U2SURP: variants seen among roughly 807,000 people sequenced by gnomAD.
U2SURP encodes the protein U2 snRNP-associated SURP motif-containing protein.
A neutral mutation model predicts 144.9 loss-of-function variants in U2SURP; 9 were observed. The observed-to-expected ratio is 0.06, with a 90% CI of 0.04 to 0.11. The LOEUF is 0.11. Ranked by LOEUF, U2SURP falls within the 10% of genes least tolerant of loss-of-function variation. U2SURP has a pLI of 1.00. For missense variants in U2SURP, 724 were observed against 1,226.7 expected, an observed-to-expected ratio of 0.59 and a Z score of 6.12; for synonymous variants, 408 against 396.8, an observed-to-expected ratio of 1.03 and a Z score of -0.33.
At chr3:143,035,138 A>G (rs1933743345) in intron 19 of U2SURP, among the ~76,000 whole-genome samples, 163 bp downstream of exon 19, 1 of 152,204 alleles carries the variant, frequency 6.6e-6, no homozygotes, top group Non-Finnish European at 1.5e-5. Flanking sequence ...GTTTTTATCA[A>G]ATCAAAAATT....
chr3:143,042,041 G>A (rs1934144071), intron 23 of U2SURP, among the ~76,000 whole-genome samples: 1 of 151,766 alleles, frequency 6.6e-6, no homozygotes, highest in Non-Finnish European at 1.5e-5. Context: ...TGTTCTTTGT[G>A]CTTCAAGAAC....
chr3:143,019,693 A>C (rs1936541098), intron 6 of U2SURP, among the ~76,000 whole-genome samples: 3 of 152,202 alleles, frequency 2.0e-5, no homozygotes, highest in Admixed American at 1.3e-4. Context: ...TATTTTTGGC[A>C]GTTACTTTCC....
chr3:143,044,129 T>C (rs1415213199), intron 24 of U2SURP, among the ~76,000 whole-genome samples: 8 of 152,130 alleles, frequency 5.3e-5, no homozygotes, highest in South Asian at 2.1e-4. Flanking sequence ...TATTCTGTTA[T>C]GTTTACATTT....
rs758135851 is a variant in U2SURP at position 143,035,963 on chromosome 3, C to G, written c.1942-19C>G. On this transcript the variant is annotated intron_variant, in intron 19 of 27. Transcript: ENST00000473835. ...ATAGCCCAAAATAAAAGTTTGTTGTCTGTTTCCTGTTTCTTTAGCAACGGG... is the reference window on the plus strand; with the variant it reads ...ATAGCCCAAAATAAAAGTTTGTTGTGTGTTTCCTGTTTCTTTAGCAACGGG... 8.2e-6 allele frequency: 13 copies of G among 1,579,160 alleles called. No individual in the cohort carries two copies. The highest frequency in any genetic ancestry group is 3.4e-6 in the Non-Finnish European group (4 of 1,168,712).
rs948695316 is a variant in U2SURP, at chr3:143,057,808, C to T, written c.*1358C>T. On this transcript the variant is annotated 3_prime_UTR_variant, in exon 28 of 28. Transcript: ENST00000473835. ...TTGCTTTTTAAAAAAATCTTTTCAA[C>T]TTGTTTTACTTAATCTTGCCTAGTC... 1 of 151,932 alleles carries T rather than the reference C, an allele frequency of 6.6e-6. No homozygotes were observed. Among genetic ancestry groups the T allele is most frequent in the South Asian group, 2.1e-4 (1 of 4,826 alleles). 9.4% of individuals were successfully genotyped at this position (151,932 alleles called of 1,614,324 possible).
At chr3:143,038,828 C>T in intron 22 of U2SURP, 66 bp from the exon 23 acceptor site, 1 of 1,173,952 alleles carries the variant, frequency 8.5e-7, no homozygotes, top group Non-Finnish European at 1.2e-6. Flanking sequence ...CTTGAGCTTC[C>T]ACTGTACTAC....
At chr3:143,013,914 G>A (rs532202051) in intron 3 of U2SURP, among the ~76,000 whole-genome samples, 1 of 152,034 alleles carries the variant, frequency 6.6e-6, no homozygotes, top group South Asian at 2.1e-4. Context: ...CCTGCCCCAG[G>A]ACCATGGAAA....
chr3:143,004,767 T>G lies in U2SURP; in HGVS notation c.45+3094T>G, dbSNP rs186515070. Among the ~76,000 whole-genome samples the G allele has an allele frequency of 1.9e-3, 290 of 152,270 alleles. 3 individuals carry two copies. The highest frequency in any genetic ancestry group is 0.017 in the Admixed American group (258 of 15,282). On this transcript the variant is annotated intron_variant, in intron 1 of 27. Coordinates refer to ENST00000473835, the MANE Select transcript of U2SURP (RefSeq NM_001080415.2). ...GTGTAATTTTGTTGTGCTTTGCATT[T>G]TAGAGCCTGGCAGATGTAGACATTT...
chr3:143,043,849 A>G (rs1046650174), intron 24 of U2SURP, among the ~76,000 whole-genome samples: 2 of 151,572 alleles, frequency 1.3e-5, no homozygotes, highest in Non-Finnish European at 2.9e-5. Flanking sequence ...GCTCACTGCA[A>G]GCTCTCCCTC....
chr3:143,046,137 C>A (rs1372424850), intron 24 of U2SURP, among the ~76,000 whole-genome samples: 1 of 151,824 alleles, frequency 6.6e-6, no homozygotes, highest in Non-Finnish European at 1.5e-5. Context: ...ATAAAGATAC[C>A]TATAGCTGAA....
chr3:143,047,578 AC>A (rs1323218857), intron 24 of U2SURP, among the ~76,000 whole-genome samples: 2 of 32,490 alleles, frequency 6.2e-5, no homozygotes, highest in African/African-American at 1.3e-4. Context: ...CGGGGGGCTG[AC>A]CCCCCCCACC....
intron 10 of U2SURP, 31 bp downstream of exon 10, chr3:143,021,586 T>TA: frequency 6.4e-7 from 1 of 1,562,390 alleles, no homozygotes; most frequent in Non-Finnish European, 8.7e-7. Context: ...TGTTGATTGA[T>TA]ATGCTTTATG....
chr3:143,041,339 A>G (rs977474669), intron 23 of U2SURP, among the ~76,000 whole-genome samples: 2 of 151,952 alleles, frequency 1.3e-5, no homozygotes, highest in African/African-American at 2.4e-5. Context: ...TAGGAAATTT[A>G]TGACAAATTA....
At chr3:143,023,202 C>A in intron 12 of U2SURP, 138 bp downstream of exon 12, 1 of 709,264 alleles carries the variant, frequency 1.4e-6, no homozygotes, top group Non-Finnish European at 2.3e-6. Context: ...TAGATGTGTT[C>A]CCTGCCTTAG....
At chr3:143,041,959 G>A (rs1265165541) in intron 23 of U2SURP, among the ~76,000 whole-genome samples, 3 of 147,416 alleles carry the variant, frequency 2.0e-5, no homozygotes, top group Non-Finnish European at 4.4e-5. Flanking sequence ...AGATTTATTT[G>A]CCAATAGTAT....
At position 143,016,252 on chromosome 3, in the gene U2SURP, T is replaced by C. The variant is rs1214192683; in HGVS notation, c.322-5T>C. On this transcript the variant is annotated splice_polypyrimidine_tract_variant and splice_region_variant and intron_variant, in intron 4 of 27. Coordinates refer to ENST00000473835, the MANE Select transcript of U2SURP (RefSeq NM_001080415.2). ...TGTAATATTAATATTTTCATGTGTA[T>C]TTAGGAGGATGAAAAGGCAGCTGCT... The C allele has an allele frequency of 6.8e-6, 11 of 1,611,288 alleles. 1 individual carries two copies.
chr3:143,053,529 G>T, intron 25 of U2SURP, 147 bp from the exon 26 acceptor site: 1 of 500,802 alleles, frequency 2.0e-6, no homozygotes, highest in South Asian at 4.2e-5. Context: ...TTCCCTGAAG[G>T]GGTAGATTTT....
chr3:143,021,585 A>G (rs2108283377), intron 10 of U2SURP, 30 bp downstream of exon 10: 2 of 1,578,634 alleles, frequency 1.3e-6, no homozygotes, highest in East Asian at 2.2e-5. Flanking sequence ...ATGTTGATTG[A>G]TATGCTTTAT....
chr3:143,014,269 C>A, intron 3 of U2SURP, 42 bp from the exon 4 acceptor site: 1 of 1,346,160 alleles, frequency 7.4e-7, no homozygotes, highest in Non-Finnish European at 1.0e-6. Flanking sequence ...TTTTAGATAG[C>A]ATTAAGAATC....
Sources: gnomAD v4.1 joint callset for allele counts (sites outside exome capture counted in the v4.1 genomes callset) on GRCh38, gnomAD v4.1.1 for gene constraint, MANE v1.5 for transcripts, NCBI Gene and HGNC (gene_info 2026-07-23, HGNC 2026-07-21) for gene names.